Variants in SHISA9 observed in about 807,000 individuals in gnomAD.
The protein encoded by SHISA9 is protein shisa-9.
In SHISA9, 13 loss-of-function variants were observed where a neutral mutation model predicts 38.0. That is an observed-to-expected ratio of 0.34 (90% CI 0.22 to 0.54). The LOEUF (loss-of-function observed/expected upper bound fraction) is 0.54. SHISA9 is among the 20% of genes least tolerant of loss of function. The pLI, the probability that SHISA9 is intolerant of heterozygous loss-of-function variation, is 0.91. For missense variants in SHISA9, 538 were observed against 575.8 expected, an observed-to-expected ratio of 0.93 and a Z score of 0.67; for synonymous variants, 275 against 242.0, an observed-to-expected ratio of 1.14 and a Z score of -1.27.
the SHISA9 span, among the ~76,000 whole-genome samples, chr16:13,381,657 C>G: frequency 6.6e-6 from 1 of 151,842 alleles, no homozygotes. Context: ...GCGCTAAATT[C>G]TCATTTACTG....
At chr16:13,324,884 A>G in the SHISA9 span, among the ~76,000 whole-genome samples, 5 of 152,208 alleles carry the variant, frequency 3.3e-5, no homozygotes, top group Non-Finnish European at 5.9e-5. Flanking sequence ...AGAAGGCAGG[A>G]TATCTCAAAG....
intron 2 of SHISA9, among the ~76,000 whole-genome samples, chr16:13,196,179 C>G (rs1417087187): frequency 6.9e-6 from 1 of 145,938 alleles, no homozygotes; most frequent in East Asian, 2.1e-4. Context: ...GGGCGGATCA[C>G]GAGGTCAGGA....
At chr16:13,162,604 A>G (rs751742256) in intron 2 of SHISA9, among the ~76,000 whole-genome samples, 4 of 152,202 alleles carry the variant, frequency 2.6e-5, no homozygotes, top group Admixed American at 1.3e-4. Context: ...TGGCAAATGG[A>G]ACGGGAAATA....
Position 13,111,344 on chromosome 16 carries a change from C to CA in SHISA9, c.692-92035dup, listed in dbSNP as rs35569425. Among the ~76,000 whole-genome samples, 1,020 of 137,772 alleles carry CA rather than the reference C, an allele frequency of 7.4e-3. 4 individuals carry two copies. The highest frequency in any genetic ancestry group is 0.016 in the African/African-American group (628 of 38,210). 90.4% of individuals were successfully genotyped at this position (137,772 alleles called of 152,430 possible). ...ATCTACAAAGAACTTAAACAAATTA[C>CA]AAAAAAAAAAAAAAACCCAAAAACA... On this transcript the variant is annotated intron_variant, in intron 2 of 4. Coordinates refer to ENST00000558583, the MANE Select transcript of SHISA9 (RefSeq NM_001145204.3).
chr16:13,447,260 TC>T, the SHISA9 span, among the ~76,000 whole-genome samples: 3 of 152,214 alleles, frequency 2.0e-5, no homozygotes, highest in South Asian at 2.1e-4. Context: ...CTGTTTTGAG[TC>T]CCAGTAGTCA....
intron 2 of SHISA9, among the ~76,000 whole-genome samples, chr16:13,001,129 T>C (rs1207196760): frequency 1.3e-5 from 2 of 152,236 alleles, no homozygotes; most frequent in African/African-American, 4.8e-5. Flanking sequence ...GGTTTCACCA[T>C]GTTGGCCAGG....
At chr16:13,034,402 G>A (rs2073028801) in intron 2 of SHISA9, among the ~76,000 whole-genome samples, 1 of 152,184 alleles carries the variant, frequency 6.6e-6, no homozygotes, top group Non-Finnish European at 1.5e-5. Context: ...CACACCTTAT[G>A]AAAGTCAGGT....
chr16:13,079,085 G>A (rs12449027), intron 2 of SHISA9, among the ~76,000 whole-genome samples: 11,355 of 152,200 alleles, frequency 0.075, 573 homozygotes, highest in South Asian at 0.16. Context: ...GTGGCTAATA[G>A]AACTTTCCTC....
At chr16:13,450,056 G>A in the SHISA9 span, among the ~76,000 whole-genome samples, 1 of 152,154 alleles carries the variant, frequency 6.6e-6, no homozygotes. Context: ...GGTGGAGGTT[G>A]CAGTGAGCCA....
At chr16:13,199,809 C>G (rs1025136775) in intron 2 of SHISA9, among the ~76,000 whole-genome samples, 1 of 152,102 alleles carries the variant, frequency 6.6e-6, no homozygotes, top group African/African-American at 2.4e-5. Flanking sequence ...GATTCAGGCT[C>G]CATGCTCGCT....
chr16:13,536,441 T>C, the SHISA9 span, among the ~76,000 whole-genome samples: 1 of 152,372 alleles, frequency 6.6e-6, no homozygotes, highest in South Asian at 2.1e-4. Flanking sequence ...TTTGTCTCTC[T>C]CATTGGCTGC....
chr16:13,171,566 G>T (rs993894281), intron 2 of SHISA9, among the ~76,000 whole-genome samples: 1 of 152,130 alleles, frequency 6.6e-6, no homozygotes, highest in Non-Finnish European at 1.5e-5. Flanking sequence ...ATGAATGGGG[G>T]TGCTTCCAGC....
chr16:12,910,951 C>T (rs1032802187), intron 1 of SHISA9: 4 of 168,390 alleles, frequency 2.4e-5, no homozygotes, highest in African/African-American at 9.6e-5. Context: ...ATCTGTCTTA[C>T]TGCCATTAGA....
chr16:13,393,784 G>C, the SHISA9 span, among the ~76,000 whole-genome samples: 3 of 152,178 alleles, frequency 2.0e-5, no homozygotes, highest in African/African-American at 4.8e-5. Context: ...AAGGCTTGAA[G>C]GTGGCTGGCT....
chr16:13,215,019 C>G (rs1435499153), intron 4 of SHISA9, among the ~76,000 whole-genome samples: 1 of 152,014 alleles, frequency 6.6e-6, no homozygotes, highest in East Asian at 1.9e-4. Context: ...GGACTGTGGA[C>G]TAGAGTTGCA....
At chr16:13,481,406 G>A in the SHISA9 span, among the ~76,000 whole-genome samples, 21,136 of 152,136 alleles carry the variant, frequency 0.14, 1,966 homozygotes, top group East Asian at 0.35. Context: ...ACGTTACAAC[G>A]TACTCCTTCC....
At chr16:13,366,982 CA>C in the SHISA9 span, among the ~76,000 whole-genome samples, 64,372 of 92,634 alleles carry the variant, frequency 0.69, 20,054 homozygotes, top group East Asian at 0.87. Flanking sequence ...GGCTCCATCT[CA>C]AAAAAAAAAA....
chr16:13,244,968 T>G (rs2051461330), downstream of SHISA9, among the ~76,000 whole-genome samples: 1 of 152,188 alleles, frequency 6.6e-6, no homozygotes, highest in African/African-American at 2.4e-5. Context: ...CAGGCTGGAG[T>G]GCAGTGGAGC....
chr16:13,437,378 G>A, the SHISA9 span, among the ~76,000 whole-genome samples: 1 of 152,126 alleles, frequency 6.6e-6, no homozygotes, highest in Non-Finnish European at 1.5e-5. Context: ...ATCTATTCCA[G>A]CCTGAAATCT....
Sources: allele counts gnomAD v4.1 joint callset (sites outside exome capture counted in the v4.1 genomes callset), GRCh38; gene constraint gnomAD v4.1.1; transcripts MANE v1.5; gene names NCBI Gene and HGNC (gene_info 2026-07-23, HGNC 2026-07-21).